DGKG: variants seen among roughly 807,000 people sequenced by gnomAD.
The protein encoded by DGKG is diacylglycerol kinase gamma.
A neutral mutation model predicts 105.3 loss-of-function variants in DGKG; 78 were observed. The ratio of observed to expected loss-of-function variants is 0.74; its 90% CI spans 0.62 to 0.89. The LOEUF is 0.89. DGKG is among the 40% of genes least tolerant of loss of function. The pLI is 0.00. For synonymous variants in DGKG, 346 were observed against 367.1 expected (o/e 0.94, Z 0.66); for missense variants, 958 against 1,020.1 (o/e 0.94, Z 0.83).
At chr3:186,251,985 A>G in intron 18 of DGKG, 66 bp from the exon 19 acceptor site, 1 of 1,467,898 alleles carries the variant, frequency 6.8e-7, no homozygotes, top group Middle Eastern at 2.5e-4. Flanking sequence ...ATGCACAGGT[A>G]GTTGTCAGGG....
chr3:186,148,959 T>TTA lies in DGKG; in HGVS notation c.*1129_*1130dup, dbSNP rs34230259. On this transcript the variant is annotated 3_prime_UTR_variant, in exon 25 of 25. Transcript: ENST00000265022. The stretch of plus-strand genomic sequence containing the variant: ...GAAAAGTCCATCAGTAAATAAATAT[T>TTA]TATATATATATATATATAAATATAT... 0.35 allele frequency: 217,994 copies of TTA among 619,782 alleles called. 34,031 individuals are homozygous for TTA. The highest frequency in any genetic ancestry group is 0.67 in the East Asian group (4,386 of 6,514). The allele number at this position is 619,782 out of a possible 1,614,324, so 38.4% of individuals were successfully genotyped here. A position where few individuals can be genotyped will look rare whatever the true frequency, so the allele number is the denominator to read the frequency against.
intron 1 of DGKG, among the ~76,000 whole-genome samples, chr3:186,338,153 G>T (rs1482519838): frequency 4.3e-5 from 6 of 138,286 alleles, no homozygotes; most frequent in African/African-American, 1.6e-4. Context: ...CCAGGCAACA[G>T]AGTGAGACCC....
intron 1 of DGKG, among the ~76,000 whole-genome samples, chr3:186,348,104 A>G (rs1726432808): frequency 6.6e-6 from 1 of 152,130 alleles, no homozygotes; most frequent in African/African-American, 2.4e-5. Context: ...GAGTAATCTG[A>G]GTTTTTAGCC....
chr3:186,240,918 A>G (rs1313735335), intron 20 of DGKG, among the ~76,000 whole-genome samples: 3 of 148,578 alleles, frequency 2.0e-5, no homozygotes, highest in South Asian at 4.3e-4. Context: ...TGGGAGTGCA[A>G]AAGACCGTTA....
intron 3 of DGKG, among the ~76,000 whole-genome samples, chr3:186,300,299 C>A (rs765562807): frequency 1.3e-5 from 2 of 152,188 alleles, no homozygotes; most frequent in Non-Finnish European, 2.9e-5. Flanking sequence ...ATCCTTCTCC[C>A]CTTTCCTTTC....
At chr3:186,211,339 A>T (rs1719028374) in intron 21 of DGKG, among the ~76,000 whole-genome samples, 1 of 152,146 alleles carries the variant, frequency 6.6e-6, no homozygotes, top group South Asian at 2.1e-4. Context: ...AGCAGATGTG[A>T]AAATCAAGGC....
At chr3:186,216,205 G>T (rs1156719846) in intron 20 of DGKG, among the ~76,000 whole-genome samples, 1 of 151,914 alleles carries the variant, frequency 6.6e-6, no homozygotes, top group Non-Finnish European at 1.5e-5. Flanking sequence ...TCACCATGTT[G>T]GCCGGGCTGG....
intron 14 of DGKG, among the ~76,000 whole-genome samples, chr3:186,264,417 C>T (rs1386275185): frequency 1.3e-5 from 2 of 152,178 alleles, no homozygotes; most frequent in African/African-American, 2.4e-5. Context: ...GCACCTCCCA[C>T]CACGCCCGGC....
At chr3:186,201,017 C>T (rs979788618) in intron 21 of DGKG, among the ~76,000 whole-genome samples, 40 of 152,094 alleles carry the variant, frequency 2.6e-4, no homozygotes, top group South Asian at 8.3e-4. Context: ...AGGAGTGAGC[C>T]GGCACTGGGT....
chr3:186,166,392 T>C (rs576859139), intron 22 of DGKG, among the ~76,000 whole-genome samples: 2 of 152,194 alleles, frequency 1.3e-5, no homozygotes, highest in Non-Finnish European at 2.9e-5. Context: ...AAAGATACTG[T>C]CTCCTTAAAC....
At chr3:186,251,204 G>A (rs924195158) in intron 19 of DGKG, among the ~76,000 whole-genome samples, 1 of 152,194 alleles carries the variant, frequency 6.6e-6, no homozygotes, top group African/African-American at 2.4e-5. Flanking sequence ...GGAGCATCAA[G>A]GAGGCTCACA....
intron 21 of DGKG, among the ~76,000 whole-genome samples, chr3:186,193,173 C>A (rs1717988249): frequency 6.6e-6 from 1 of 152,208 alleles, no homozygotes. Context: ...TCTTGGAATG[C>A]ACCTACTTGG....
chr3:186,230,300 C>A (rs1720087821), intron 20 of DGKG, among the ~76,000 whole-genome samples: 1 of 152,090 alleles, frequency 6.6e-6, no homozygotes, highest in South Asian at 2.1e-4. Context: ...ACAACAACAA[C>A]AAAACATTGG....
At chr3:186,236,796 G>T (rs918725739) in intron 20 of DGKG, among the ~76,000 whole-genome samples, 2 of 152,228 alleles carry the variant, frequency 1.3e-5, no homozygotes, top group Admixed American at 1.3e-4. Flanking sequence ...CCTCTGAAGG[G>T]CCTAACAGGA....
At chr3:186,266,196 C>G (rs1401066385) in intron 13 of DGKG, among the ~76,000 whole-genome samples, 1 of 152,160 alleles carries the variant, frequency 6.6e-6, no homozygotes, top group Non-Finnish European at 1.5e-5. Flanking sequence ...ATGGGTTTTG[C>G]CTGGCTTTTG....
rs188028956 is a variant in DGKG, at chr3:186,184,339, C to A, written c.2095+3863G>T. Among the ~76,000 whole-genome samples the A allele has an allele frequency of 1.7e-3, 256 of 152,206 alleles. 1 individual carries two copies. Among genetic ancestry groups the A allele is most frequent in the African/African-American group, 5.8e-3 (239 of 41,530 alleles). Reference sequence around the variant, plus strand: ...TAAGCATGGGGCTTTTCCCAATACCCCTTATTGCTTTCTTATCAGCCAATG... The same window carrying A: ...TAAGCATGGGGCTTTTCCCAATACCACTTATTGCTTTCTTATCAGCCAATG... On this transcript the variant is annotated intron_variant, in intron 22 of 24. Coordinates refer to ENST00000265022, the MANE Select transcript of DGKG (RefSeq NM_001346.3).
intron 3 of DGKG, among the ~76,000 whole-genome samples, chr3:186,303,404 G>C (rs1383576401): frequency 6.6e-6 from 1 of 152,158 alleles, no homozygotes; most frequent in East Asian, 1.9e-4. Context: ...CTTTTATGCA[G>C]GAATTAGCTG....
chr3:186,266,579 G>A (rs1446970848), intron 13 of DGKG, among the ~76,000 whole-genome samples: 3 of 152,120 alleles, frequency 2.0e-5, no homozygotes, highest in African/African-American at 7.2e-5. Flanking sequence ...ATTTTCCAAT[G>A]TGTTGGTATT....
chr3:186,247,615 G>A lies in DGKG; in HGVS notation c.1761+4144C>T, dbSNP rs1367334423. On this transcript the variant is annotated intron_variant, in intron 19 of 24. Coordinates refer to ENST00000265022, the MANE Select transcript of DGKG (RefSeq NM_001346.3). Reference sequence around the variant, plus strand: ...CAGCCCCAGACTCTGTTAGGGTTGCGTGTTGGTTACTTGTTTTCTCAAGAA... The same window carrying A: ...CAGCCCCAGACTCTGTTAGGGTTGCATGTTGGTTACTTGTTTTCTCAAGAA... Among the ~76,000 whole-genome samples, 8 of 152,134 alleles carry A rather than the reference G, an allele frequency of 5.3e-5. No individual in the cohort carries two copies. In the East Asian group the frequency reaches 9.6e-4, roughly 18 times the overall value.
Sources: allele counts gnomAD v4.1 joint callset (sites outside exome capture counted in the v4.1 genomes callset), GRCh38; gene constraint gnomAD v4.1.1; transcripts MANE v1.5; gene names NCBI Gene and HGNC (gene_info 2026-07-23, HGNC 2026-07-21).